The following RBP2 variants were observed in gnomAD, a reference collection of about 807,000 sequenced individuals.
RBP2 encodes the protein retinol binding protein 2.
In RBP2, 17 loss-of-function variants were observed where a neutral mutation model predicts 17.0. The observed-to-expected ratio is 1.00, with a 90% CI of 0.68 to 1.50. The LOEUF is 1.50. RBP2 is among the 40% of genes most tolerant of loss of function. RBP2 has a pLI of 0.00. For synonymous variants in RBP2, 48 were observed against 57.1 expected (o/e 0.84, Z 0.72); for missense variants, 158 against 168.2 (o/e 0.94, Z 0.33).
chr3:139,462,132 G>T lies in RBP2; in HGVS notation c.232C>A (p.Leu78Met). ...GVEFDEYTKS[L>M]DNRHVKALVT... is the part of the protein sequence containing the mutation. ...AGTACCTTAACATGCCGGTTATCCA[G>T]GCTCTTTGTGTACTCGTCAAACTCT... The change falls in exon 2 of 4, where the codon CTG (leucine) becomes ATG (methionine). Residue 78 changes from leucine to methionine, a missense_variant. By Grantham distance (15) the Leu-to-Met change is conservative. Transcript: ENST00000232217. The T allele has an allele frequency of 6.2e-7, 1 of 1,614,020 alleles. No homozygotes were observed. Among genetic ancestry groups the T allele is most frequent in the East Asian group, 2.2e-5 (1 of 44,854 alleles).
At position 139,476,399 on chromosome 3, in the gene RBP2, T is replaced by C. The variant is rs201640965; in HGVS notation, c.61A>G (p.Met21Val). The change falls in exon 1 of 4, where the codon ATG becomes GTG. Residue 21 changes from methionine (M) to valine (V), a missense_variant. Met to Val is a conservative substitution (Grantham distance 21, BLOSUM62 1). Transcript: ENST00000232217. ...GTCTCCTCCTTACCCAGGGCCTTCATGTAGCCCTCAAAGTTTTCATTACTC... is the reference window on the plus strand; with the variant it reads ...GTCTCCTCCTTACCCAGGGCCTTCACGTAGCCCTCAAAGTTTTCATTACTC... ...MESNENFEGY[M>V]KALDIDFATR... The C allele has an allele frequency of 1.7e-4, 273 of 1,613,892 alleles. No individual in the cohort carries two copies. The South Asian group carries it at 2.8e-3, about 17-fold the overall frequency.
At chr3:139,465,256 C>A (rs531668577) in intron 1 of RBP2, among the ~76,000 whole-genome samples, 22 of 152,230 alleles carry the variant, frequency 1.4e-4, no homozygotes, top group African/African-American at 5.3e-4. Flanking sequence ...GCGAGCCATG[C>A]TGTGTGGACT....
chr3:139,456,080 T>G (rs936328194), intron 2 of RBP2, among the ~76,000 whole-genome samples: 4 of 152,208 alleles, frequency 2.6e-5, no homozygotes, highest in Non-Finnish European at 5.9e-5. Flanking sequence ...GTCATTCCCA[T>G]CTGAAGAATG....
At chr3:139,474,593 C>T (rs76662582) in intron 1 of RBP2, among the ~76,000 whole-genome samples, 4,011 of 152,224 alleles carry the variant, frequency 0.026, 185 homozygotes, top group African/African-American at 0.09. Flanking sequence ...TGTTAAAGTA[C>T]TTTTAATTGC....
intron 2 of RBP2, among the ~76,000 whole-genome samples, chr3:139,455,798 G>A (rs1932934343): frequency 6.6e-6 from 1 of 152,156 alleles, no homozygotes; most frequent in South Asian, 2.1e-4. Context: ...ATGCCAACTG[G>A]TTAATAGCAC....
chr3:139,464,413 G>A (rs1030635967), intron 1 of RBP2, among the ~76,000 whole-genome samples: 2 of 152,018 alleles, frequency 1.3e-5, no homozygotes, highest in African/African-American at 4.8e-5. Flanking sequence ...AGCCAAGATT[G>A]TGCCATTGCA....
In RBP2 at chr3:139,462,220, A is replaced by G. The variant is rs371619023; in HGVS notation, c.144T>C (p.Asp48=). 89 of 1,614,172 alleles carry G rather than the reference A, an allele frequency of 5.5e-5. No individual in the cohort carries two copies. The Middle Eastern group carries it at 1.5e-3, about 27-fold the overall frequency. ...TGCTAGTGGTTTTTGTCTTGAAGTT[A>G]TCACCATCTTGATCAATAACCTTCG... is the stretch of plus-strand genomic sequence containing the variant. ...TQTKVIDQDG[D]NFKTKTTSTF... is the part of the protein sequence containing the mutation. Residue 48 remains aspartate, a synonymous_variant, in exon 2 of 4, where the codon GAT becomes GAC. Transcript: ENST00000232217.
chr3:139,471,616 A>G (rs1257417200), intron 1 of RBP2, among the ~76,000 whole-genome samples: 1 of 152,240 alleles, frequency 6.6e-6, no homozygotes, highest in African/African-American at 2.4e-5. Context: ...AAAATTTCCT[A>G]AAAGAGGTAT....
chr3:139,472,851 C>A (rs747242875), intron 1 of RBP2, among the ~76,000 whole-genome samples: 10 of 152,212 alleles, frequency 6.6e-5, no homozygotes, highest in Non-Finnish European at 1.2e-4. Context: ...AACCTGACTC[C>A]TTGAGAGCAG....
intron 1 of RBP2, among the ~76,000 whole-genome samples, chr3:139,470,862 C>T (rs1023598171): frequency 4.6e-5 from 7 of 152,106 alleles, no homozygotes; most frequent in African/African-American, 1.7e-4. Context: ...GTTGGGATTA[C>T]AGGTGTGAGC....
chr3:139,461,177 G>A (rs1247343040), intron 2 of RBP2, among the ~76,000 whole-genome samples: 2 of 152,160 alleles, frequency 1.3e-5, no homozygotes, highest in African/African-American at 4.8e-5. Context: ...GATACCACAC[G>A]GTGATGCTGG....
intron 1 of RBP2, among the ~76,000 whole-genome samples, chr3:139,462,977 G>A (rs1298721929): frequency 2.0e-5 from 3 of 151,996 alleles, no homozygotes; most frequent in Non-Finnish European, 4.4e-5. Flanking sequence ...GGGACAGCAG[G>A]TGCACACCAC....
chr3:139,459,275 GC>G (rs1243974926), intron 2 of RBP2, among the ~76,000 whole-genome samples: 1 of 151,872 alleles, frequency 6.6e-6, no homozygotes, highest in African/African-American at 2.4e-5. Flanking sequence ...AATCACAGAG[GC>G]CAGGCATGGT....
At chr3:139,465,006 A>G (rs1326769488) in intron 1 of RBP2, among the ~76,000 whole-genome samples, 1 of 152,218 alleles carries the variant, frequency 6.6e-6, no homozygotes, top group African/African-American at 2.4e-5. Flanking sequence ...TAAAGTGCCT[A>G]CTTTTCATGT....
At chr3:139,458,017 G>T (rs562726654) in intron 2 of RBP2, among the ~76,000 whole-genome samples, 2 of 152,234 alleles carry the variant, frequency 1.3e-5, no homozygotes, top group African/African-American at 4.8e-5. Context: ...ACATACGGAA[G>T]TATTTAGGGC....
intron 1 of RBP2, among the ~76,000 whole-genome samples, chr3:139,462,724 G>A (rs770861779): frequency 6.6e-6 from 1 of 152,186 alleles, no homozygotes; most frequent in African/African-American, 2.4e-5. Context: ...GGATAAAGAT[G>A]AAACTTAGGA....
At chr3:139,473,266 A>G (rs1933623494) in intron 1 of RBP2, among the ~76,000 whole-genome samples, 1 of 152,182 alleles carries the variant, frequency 6.6e-6, no homozygotes, top group African/African-American at 2.4e-5. Flanking sequence ...ATTTGTGGCA[A>G]ACCCAAAGGT....
chr3:139,475,076 C>T (rs911117815), intron 1 of RBP2, among the ~76,000 whole-genome samples: 6 of 152,068 alleles, frequency 3.9e-5, no homozygotes, highest in African/African-American at 1.4e-4. Context: ...AATCCCAGCA[C>T]TTTGGGAGGC....
chr3:139,464,293 CTACAAAAA>C (rs2107874689), intron 1 of RBP2, among the ~76,000 whole-genome samples: 1 of 152,260 alleles, frequency 6.6e-6, no homozygotes, highest in South Asian at 2.1e-4. Flanking sequence ...AACCCTGTCT[CTACAAAAA>C]TACAAAAATT....
Sources: gnomAD v4.1 joint callset for allele counts (sites outside exome capture counted in the v4.1 genomes callset) on GRCh38, gnomAD v4.1.1 for gene constraint, MANE v1.5 for transcripts, NCBI Gene and HGNC (gene_info 2026-07-23, HGNC 2026-07-21) for gene names.